The following IL1RAPL2 variants were observed in gnomAD, a reference collection of about 807,000 sequenced individuals.
The protein encoded by IL1RAPL2 is interleukin 1 receptor accessory protein like 2.
IL1RAPL2 carries 3 observed loss-of-function variants against 44.1 expected under a neutral mutation model. The observed-to-expected ratio is 0.07, with a 90% CI of 0.03 to 0.18. The LOEUF is 0.18. IL1RAPL2 is among the 10% of genes least tolerant of loss of function. The probability of loss-of-function intolerance (pLI) is 1.00; values close to 1 mark genes in which losing one functional copy is unlikely to be tolerated. For missense variants in IL1RAPL2, 391 were observed against 496.4 expected (o/e 0.79, Z 2.02); for synonymous variants, 181 against 178.8 (o/e 1.01, Z -0.10).
intron 2 of IL1RAPL2, among the ~76,000 whole-genome samples, chrX:104,928,660 G>A (rs1309698058): frequency 1.8e-5 from 2 of 111,708 alleles, no homozygotes; most frequent in East Asian, 5.6e-4. Context: ...AGTAGCCACG[G>A]AAATAAGCAC....
At chrX:105,401,862 A>T (rs756525238) in intron 5 of IL1RAPL2, among the ~76,000 whole-genome samples, 6 of 110,840 alleles carry the variant, frequency 5.4e-5, no homozygotes, top group South Asian at 3.8e-4. Flanking sequence ...GTTAACCAAA[A>T]CCTGACTAAA....
rs553802677 is a variant in IL1RAPL2 at position 105,181,371 on chromosome X, G to A, written c.83-14104G>A. Among the ~76,000 whole-genome samples, 38 of 111,145 alleles carry A rather than the reference G, an allele frequency of 3.4e-4. No homozygotes were observed. In the South Asian group the frequency reaches 5.0e-3, roughly 15 times the overall value. ...TTTCCTTCTGCTAATTTGGGGCTTG[G>A]CTTGTTCTTGCTTTTTAGTTCCTTG... is the stretch of plus-strand genomic sequence containing the variant. On this transcript the variant is annotated intron_variant, in intron 2 of 10. Transcript: ENST00000372582.
intron 5 of IL1RAPL2, among the ~76,000 whole-genome samples, chrX:105,280,371 A>G (rs1455404349): frequency 8.9e-6 from 1 of 111,780 alleles, no homozygotes; most frequent in Non-Finnish European, 1.9e-5. Context: ...AGACATGGGC[A>G]AAGACTTCAT....
intron 2 of IL1RAPL2, among the ~76,000 whole-genome samples, chrX:104,738,682 G>A (rs1279499574): frequency 2.7e-5 from 3 of 111,802 alleles, no homozygotes; most frequent in African/African-American, 9.8e-5. Context: ...GCTGATGCCT[G>A]TAATCCCAGT....
chrX:105,114,167 G>A (rs1348678413), intron 2 of IL1RAPL2, among the ~76,000 whole-genome samples: 2 of 111,717 alleles, frequency 1.8e-5, no homozygotes, highest in Non-Finnish European at 3.8e-5. Flanking sequence ...TTGGTACTCT[G>A]AAAACAGAGA....
At chrX:105,673,131 G>A (rs1215563243) in intron 6 of IL1RAPL2, among the ~76,000 whole-genome samples, 1 of 111,256 alleles carries the variant, frequency 9.0e-6, no homozygotes, top group Non-Finnish European at 1.9e-5. Context: ...ATATTATAGC[G>A]ACTCTATCTT....
intron 2 of IL1RAPL2, among the ~76,000 whole-genome samples, chrX:105,122,673 A>T (rs1271522754): frequency 8.9e-6 from 1 of 112,020 alleles, no homozygotes; most frequent in East Asian, 2.8e-4. Context: ...TCCAGATGGA[A>T]TTTCTTAGTA....
At chrX:105,107,573 C>G (rs2032756399) in intron 2 of IL1RAPL2, among the ~76,000 whole-genome samples, 1 of 111,719 alleles carries the variant, frequency 9.0e-6, no homozygotes. Context: ...CTCCTGACAC[C>G]TAGAGAACCC....
At chrX:105,437,570 TA>T (rs924448866) in intron 5 of IL1RAPL2, among the ~76,000 whole-genome samples, 2 of 111,687 alleles carry the variant, frequency 1.8e-5, no homozygotes. Flanking sequence ...TAATTGTATT[TA>T]TTTTTTTGCT....
chrX:105,512,075 A>C (rs2036474416), intron 6 of IL1RAPL2, among the ~76,000 whole-genome samples: 1 of 111,176 alleles, frequency 9.0e-6, no homozygotes, highest in Non-Finnish European at 1.9e-5. Flanking sequence ...GTCCTCTCTA[A>C]TTTCAGTTCT....
rs182002531 is a variant in IL1RAPL2, at chrX:105,318,749, T to G, written c.697+51208T>G. ...CTCTGCCTTAGAACTGTTTATTGAA[T>G]AAGCAAATTTCTGCCTGTCTCAGGT... On this transcript the variant is annotated intron_variant, in intron 5 of 10. Transcript: ENST00000372582. Among the ~76,000 whole-genome samples the G allele has an allele frequency of 1.3e-3, 144 of 111,451 alleles. 1 individual carries two copies. Among genetic ancestry groups the G allele is most frequent in the African/African-American group, 4.2e-3 (128 of 30,661 alleles).
intron 2 of IL1RAPL2, among the ~76,000 whole-genome samples, chrX:105,152,268 T>A (rs1273765618): frequency 8.9e-6 from 1 of 112,279 alleles, no homozygotes; most frequent in East Asian, 2.8e-4. Context: ...CATGAATGCA[T>A]ACAATTCTTC....
intron 2 of IL1RAPL2, among the ~76,000 whole-genome samples, chrX:104,933,295 G>T (rs1209817929): frequency 1.8e-5 from 2 of 110,681 alleles, no homozygotes; most frequent in Admixed American, 1.9e-4. Context: ...AAAGGAATAG[G>T]TCCAAAAAAA....
chrX:104,978,519 T>G (rs1217967915), intron 2 of IL1RAPL2, among the ~76,000 whole-genome samples: 3 of 112,256 alleles, frequency 2.7e-5, no homozygotes, highest in African/African-American at 9.7e-5. Context: ...TCATTGATGT[T>G]GGAAACAAGG....
intron 4 of IL1RAPL2, among the ~76,000 whole-genome samples, chrX:105,235,112 A>G (rs1222934621): frequency 8.9e-6 from 1 of 111,757 alleles, no homozygotes; most frequent in African/African-American, 3.3e-5. Flanking sequence ...CCCTCATTCA[A>G]ACTGAAACAG....
intron 5 of IL1RAPL2, among the ~76,000 whole-genome samples, chrX:105,281,448 T>C (rs932712021): frequency 5.3e-5 from 6 of 112,359 alleles, no homozygotes; most frequent in Non-Finnish European, 1.1e-4. Flanking sequence ...AGTATGATGA[T>C]TGAGAAATAG....
rs768000710 is a variant in IL1RAPL2 at position 104,578,052 on chromosome X, A to G, written c.-20+11001A>G. Among the ~76,000 whole-genome samples the G allele has an allele frequency of 3.6e-5, 4 of 111,937 alleles. No individual in the cohort carries two copies. The South Asian group carries it at 1.5e-3, about 43-fold the overall frequency. ...GTAAATGATTATATATCTTACACAT[A>G]TGTATATTTCCTAACTTTGTCCACT... On this transcript the variant is annotated intron_variant, in intron 1 of 10. Transcript: ENST00000372582.
intron 2 of IL1RAPL2, among the ~76,000 whole-genome samples, chrX:104,884,083 G>C (rs1346167483): frequency 1.8e-5 from 2 of 110,202 alleles, no homozygotes; most frequent in African/African-American, 3.4e-5. Context: ...ATTTTTCTCA[G>C]TCCTCTTTGT....
At position 105,499,874 on chromosome X, in the gene IL1RAPL2, C is replaced by T. The variant is rs1239193440; in HGVS notation, c.772+15487C>T. Among the ~76,000 whole-genome samples the T allele has an allele frequency of 3.6e-5, 4 of 111,844 alleles. No individual in the cohort carries two copies. In the Admixed American group the frequency reaches 3.8e-4, roughly 11 times the overall value. ...CTTAAAAAATTAAAAATAAAACTAC[C>T]ATATCATCCAGCAATTTCACTTCTG... is the stretch of plus-strand genomic sequence containing the variant. On this transcript the variant is annotated intron_variant, in intron 6 of 10. Transcript: ENST00000372582.
Sources: gnomAD v4.1 joint callset for allele counts (sites outside exome capture counted in the v4.1 genomes callset) on GRCh38, gnomAD v4.1.1 for gene constraint, MANE v1.5 for transcripts, NCBI Gene and HGNC (gene_info 2026-07-23, HGNC 2026-07-21) for gene names.